Variants in EIF4G3 observed in about 807,000 individuals in gnomAD.
EIF4G3 encodes eukaryotic translation initiation factor 4 gamma 3.
In EIF4G3, 34 loss-of-function variants were observed where a neutral mutation model predicts 186.4. The ratio of observed to expected loss-of-function variants is 0.18; its 90% CI spans 0.14 to 0.24. The LOEUF (loss-of-function observed/expected upper bound fraction) is 0.24, where lower values mean the gene tolerates loss of function less well. Ranked by LOEUF, EIF4G3 falls within the 10% of genes least tolerant of loss-of-function variation. EIF4G3 has a pLI of 1.00. For missense variants in EIF4G3, 1,536 were observed against 1,948.5 expected (o/e 0.79, Z 3.99); for synonymous variants, 673 against 679.5 (o/e 0.99, Z 0.15).
intron 2 of EIF4G3, among the ~76,000 whole-genome samples, chr1:21,169,987 C>T (rs893514643): frequency 6.6e-6 from 1 of 151,810 alleles, no homozygotes; most frequent in Admixed American, 6.6e-5. Context: ...ACATCTTGAC[C>T]AACATGGTGA....
chr1:20,860,767 G>A (rs979471624), intron 23 of EIF4G3, among the ~76,000 whole-genome samples: 1 of 152,146 alleles, frequency 6.6e-6, no homozygotes, highest in Admixed American at 6.5e-5. Flanking sequence ...AAAGAACAGG[G>A]TGAAAGACTG....
intron 25 of EIF4G3, among the ~76,000 whole-genome samples, chr1:20,857,039 T>C (rs1163384540): frequency 1.3e-5 from 2 of 151,828 alleles, no homozygotes; most frequent in African/African-American, 2.4e-5. Flanking sequence ...GACGGGCACC[T>C]GTAGTCCCAG....
chr1:20,981,274 G>A (rs753224500), intron 8 of EIF4G3, 47 bp from the exon 9 acceptor site: 10 of 1,259,414 alleles, frequency 7.9e-6, no homozygotes, highest in South Asian at 1.7e-5. Flanking sequence ...TTAACACAGG[G>A]GAATATATAA....
chr1:21,081,435 A>T lies in EIF4G3; in HGVS notation c.-196+7703T>A, dbSNP rs558235792. On this transcript the variant is annotated intron_variant, in intron 3 of 36. Transcript: ENST00000602326. The stretch of plus-strand genomic sequence containing the variant: ...GCGACAGAGTGAGACTCCATCTCAA[A>T]ATATATATATATGTGCTTGATTCTT... 2.6e-5 allele frequency among the ~76,000 whole-genome samples: 4 copies of T among 151,710 alleles called. No individual in the cohort carries two copies. In the East Asian group the frequency reaches 7.7e-4, roughly 29 times the overall value.
intron 2 of EIF4G3, among the ~76,000 whole-genome samples, chr1:21,158,221 G>C (rs1381619938): frequency 6.9e-6 from 1 of 144,664 alleles, no homozygotes; most frequent in Non-Finnish European, 1.5e-5. Flanking sequence ...TGTCACCCAG[G>C]CTGGAGTGGA....
chr1:20,912,240 G>A (rs1284909865), intron 14 of EIF4G3, among the ~76,000 whole-genome samples: 1 of 152,200 alleles, frequency 6.6e-6, no homozygotes, highest in Non-Finnish European at 1.5e-5. Context: ...TCACACCACT[G>A]CACTTTAGCC....
chr1:21,080,651 A>AG (rs1201485649), intron 3 of EIF4G3, among the ~76,000 whole-genome samples: 5 of 152,060 alleles, frequency 3.3e-5, no homozygotes, highest in African/African-American at 1.2e-4. Flanking sequence ...CTGGGATTAC[A>AG]GGTGTGCGCC....
intron 18 of EIF4G3, among the ~76,000 whole-genome samples, chr1:20,892,402 G>A (rs1204505094): frequency 6.6e-6 from 1 of 152,164 alleles, no homozygotes; most frequent in African/African-American, 2.4e-5. Flanking sequence ...ACAGTGCAGT[G>A]CCCCAGCATA....
At chr1:20,944,922 C>G (rs2095874059) in intron 13 of EIF4G3, among the ~76,000 whole-genome samples, 1 of 151,916 alleles carries the variant, frequency 6.6e-6, no homozygotes, top group African/African-American at 2.4e-5. Flanking sequence ...AGAGGACCAC[C>G]TGAGCCCTGG....
At chr1:21,162,386 T>G (rs926100576) in intron 2 of EIF4G3, among the ~76,000 whole-genome samples, 3 of 150,600 alleles carry the variant, frequency 2.0e-5, no homozygotes, top group African/African-American at 2.4e-5. Context: ...GAGGTGGACG[T>G]TGCAGTGAAC....
At chr1:20,947,845 C>T (rs2096036955) in intron 13 of EIF4G3, among the ~76,000 whole-genome samples, 1 of 152,048 alleles carries the variant, frequency 6.6e-6, no homozygotes, top group Non-Finnish European at 1.5e-5. Flanking sequence ...TTCCACTAAG[C>T]AAAACAAAAA....
intron 29 of EIF4G3, among the ~76,000 whole-genome samples, chr1:20,846,348 T>A (rs1246780268): frequency 1.3e-5 from 2 of 152,192 alleles, no homozygotes; most frequent in Non-Finnish European, 2.9e-5. Flanking sequence ...GACATTCTTG[T>A]CTTGCACTGG....
intron 10 of EIF4G3, among the ~76,000 whole-genome samples, chr1:20,979,567 A>T (rs2077534112): frequency 6.6e-6 from 1 of 152,214 alleles, no homozygotes; most frequent in South Asian, 2.1e-4. Context: ...AAGGAGGATA[A>T]GGTATATTCA....
chr1:21,016,685 C>T (rs1051397369), intron 4 of EIF4G3, among the ~76,000 whole-genome samples: 3 of 150,476 alleles, frequency 2.0e-5, no homozygotes, highest in Middle Eastern at 3.6e-3. Flanking sequence ...AGGACGGGCA[C>T]GGTGGCTCAT....
At chr1:20,982,480 A>T in intron 7 of EIF4G3, 72 bp from the exon 8 acceptor site, 1 of 1,202,566 alleles carries the variant, frequency 8.3e-7, no homozygotes, top group Non-Finnish European at 1.1e-6. Context: ...GATCAGTTGG[A>T]AGGGACAGGA....
chr1:20,965,397 G>T (rs985474322), intron 12 of EIF4G3, among the ~76,000 whole-genome samples: 5 of 152,188 alleles, frequency 3.3e-5, no homozygotes, highest in African/African-American at 1.2e-4. Context: ...TACATGTGCA[G>T]TACTGATTAC....
At chr1:21,015,031 T>C (rs1447670162) in intron 4 of EIF4G3, among the ~76,000 whole-genome samples, 3 of 142,550 alleles carry the variant, frequency 2.1e-5, no homozygotes, top group Non-Finnish European at 4.6e-5. Flanking sequence ...AGAAAAAAGA[T>C]ACATAAATAG....
chr1:20,928,484 C>T (rs2095083150), intron 14 of EIF4G3, among the ~76,000 whole-genome samples: 1 of 151,090 alleles, frequency 6.6e-6, no homozygotes. Flanking sequence ...CTCACTGCAA[C>T]CTCCGCCTTC....
intron 12 of EIF4G3, among the ~76,000 whole-genome samples, chr1:20,968,470 C>G (rs971099128): frequency 6.6e-6 from 1 of 152,116 alleles, no homozygotes; most frequent in African/African-American, 2.4e-5. Flanking sequence ...CATGAGCCAA[C>G]GCGCCCGGCC....
Sources: allele counts gnomAD v4.1 joint callset (sites outside exome capture counted in the v4.1 genomes callset), GRCh38; gene constraint gnomAD v4.1.1; transcripts MANE v1.5; gene names NCBI Gene and HGNC (gene_info 2026-07-23, HGNC 2026-07-21).